WNT9B: variants seen among roughly 807,000 people sequenced by gnomAD.
The protein encoded by WNT9B is Wnt family member 9B.
Under a neutral mutation model 30.2 loss-of-function variants are expected in WNT9B, and 12 were observed. The ratio of observed to expected loss-of-function variants is 0.40; its 90% CI spans 0.26 to 0.64. The LOEUF is 0.64. Ranked by LOEUF, WNT9B falls within the 30% of genes least tolerant of loss-of-function variation. The probability of loss-of-function intolerance (pLI) is 0.42; values close to 1 mark genes in which losing one functional copy is unlikely to be tolerated. For synonymous variants in WNT9B, 218 were observed against 216.9 expected (o/e 1.01, Z -0.05); for missense variants, 442 against 485.2 (o/e 0.91, Z 0.84).
Position 46,858,465 on chromosome 17 carries a change from TTTTTATTTTA to T in WNT9B, c.77+6775_77+6784del, listed in dbSNP as rs149880516. Among the ~76,000 whole-genome samples the T allele has an allele frequency of 1.5e-3, 220 of 151,292 alleles. 1 individual carries two copies. Among genetic ancestry groups the T allele is most frequent in the African/African-American group, 2.7e-3 (111 of 41,236 alleles). ...AAAGATTTCTTCCTACGTTTTCTCCTTTTTATTTTATTTTATTTTATTTTATTTTATTTTT... is the reference window on the plus strand; with the variant it reads ...AAAGATTTCTTCCTACGTTTTCTCCTTTTTATTTTATTTTATTTTATTTTT... On this transcript the variant is annotated intron_variant, in intron 1 of 3. Transcript: ENST00000290015.
chr17:46,846,770 A>T (rs731120), upstream of WNT9B, among the ~76,000 whole-genome samples: 29,837 of 152,180 alleles, frequency 0.2, 3,596 homozygotes, highest in East Asian at 0.49. Context: ...CAATTCAAAG[A>T]GTTCTGTGAG....
At chr17:46,859,383 T>G (rs1458016217) in intron 1 of WNT9B, among the ~76,000 whole-genome samples, 1 of 152,214 alleles carries the variant, frequency 6.6e-6, no homozygotes, top group East Asian at 1.9e-4. Context: ...TCCACGTGTT[T>G]CAGTGCCATT....
rs1400536429 is a variant in WNT9B at position 46,872,688 on chromosome 17, C to T, written c.249C>T (p.His83=). ...CTGAGACCCTGAGGGATGCTGCGCA[C>T]CTCGGCCTGCTTGAGTGCCAGTTTC... ...GLAETLRDAA[H]LGLLECQFQF... Residue 83 remains histidine (H), a synonymous_variant, in exon 2 of 4, where the codon CAC becomes CAT. Transcript: ENST00000290015. 2 of 1,613,620 alleles carry T rather than the reference C, an allele frequency of 1.2e-6. No homozygotes were observed. Among genetic ancestry groups the T allele is most frequent in the Admixed American group, 1.7e-5 (1 of 60,024 alleles).
Position 46,872,793 on chromosome 17 carries a change from GACGGGGA to G in WNT9B, c.334+21_334+27del. 1 of 1,360,784 alleles carries G rather than the reference GACGGGGA, an allele frequency of 7.3e-7. No homozygotes were observed. Among genetic ancestry groups the G allele is most frequent in the South Asian group, 1.2e-5 (1 of 82,942 alleles). The allele number at this position is 1,360,784 out of a possible 1,614,324, so 84.3% of individuals were successfully genotyped here. On this transcript the variant is annotated intron_variant, in intron 2 of 3. Transcript: ENST00000290015. ...AGAGAGGTGGGGAGGAGGGCTAGGGGACGGGGAGGGCTGGGGGAAGAAGCCTTCAGGG... is the reference window on the plus strand; with the variant it reads ...AGAGAGGTGGGGAGGAGGGCTAGGGGGGGCTGGGGGAAGAAGCCTTCAGGG...
intron 1 of WNT9B, among the ~76,000 whole-genome samples, chr17:46,839,961 T>TC (rs1256590688): frequency 8.6e-4 from 122 of 141,446 alleles, no homozygotes; most frequent in African/African-American, 3.0e-3. Flanking sequence ...TCTTTCTTTC[T>TC]TTCTTTCTTT....
intron 1 of WNT9B, among the ~76,000 whole-genome samples, chr17:46,843,854 C>T (rs996655907): frequency 6.6e-6 from 1 of 152,234 alleles, no homozygotes; most frequent in South Asian, 2.1e-4. Context: ...GTGTGCTCCT[C>T]AAGGACAAGA....
intron 2 of WNT9B, among the ~76,000 whole-genome samples, chr17:46,873,335 T>C (rs1054935595): frequency 1.4e-5 from 2 of 144,110 alleles, no homozygotes; most frequent in South Asian, 2.5e-4. Context: ...TGGAGGCCCA[T>C]AGTGAGCCAG....
chr17:46,841,187 G>A (rs751889016), intron 1 of WNT9B, among the ~76,000 whole-genome samples: 9 of 152,156 alleles, frequency 5.9e-5, no homozygotes, highest in Admixed American at 1.3e-4. Context: ...AACATGACAC[G>A]CATGATTTCA....
At chr17:46,843,749 C>A (rs1042998410) in intron 1 of WNT9B, among the ~76,000 whole-genome samples, 5 of 152,120 alleles carry the variant, frequency 3.3e-5, no homozygotes, top group African/African-American at 9.7e-5. Flanking sequence ...TAGAACAATA[C>A]CTGGTGTAAT....
At chr17:46,850,872 C>G (rs1370394125), upstream of WNT9B, among the ~76,000 whole-genome samples, 2 of 152,108 alleles carry the variant, frequency 1.3e-5, no homozygotes, top group Admixed American at 1.3e-4. Context: ...CCACTGTCCA[C>G]TTTGGATTTC....
At chr17:46,842,662 C>T (rs2084729968) in intron 1 of WNT9B, among the ~76,000 whole-genome samples, 1 of 152,174 alleles carries the variant, frequency 6.6e-6, no homozygotes, top group Admixed American at 6.5e-5. Flanking sequence ...CATGAGCCAC[C>T]GTACCCTGCT....
At chr17:46,881,064 G>C (rs2085416219), downstream of WNT9B, among the ~76,000 whole-genome samples, 1 of 152,358 alleles carries the variant, frequency 6.6e-6, no homozygotes, top group Non-Finnish European at 1.5e-5. Context: ...TTCCCAACAT[G>C]CTTTGGGAGG....
At chr17:46,842,915 T>C (rs549625117) in intron 1 of WNT9B, among the ~76,000 whole-genome samples, 1 of 152,320 alleles carries the variant, frequency 6.6e-6, no homozygotes, top group African/African-American at 2.4e-5. Context: ...CAGGGAGTGT[T>C]GTATCCATTT....
intron 1 of WNT9B, among the ~76,000 whole-genome samples, chr17:46,838,451 A>AC (rs1568112887): frequency 1.3e-5 from 2 of 151,692 alleles, no homozygotes; most frequent in Non-Finnish European, 2.9e-5. Flanking sequence ...ACATACTGAG[A>AC]CCCCATTTCT....
rs962915958 is a variant in WNT9B at position 46,854,412 on chromosome 17, G to C, written c.77+2697G>C. The stretch of plus-strand genomic sequence containing the variant: ...AAACATCAGGAGGGCAGGTGAGGCC[G>C]ATCTTCTTGGGCTCTTTGAAATCAT... On this transcript the variant is annotated intron_variant, in intron 1 of 3. Coordinates refer to ENST00000290015, the MANE Select transcript of WNT9B (RefSeq NM_003396.3). Among the ~76,000 whole-genome samples, 4 of 151,964 alleles carry C rather than the reference G, an allele frequency of 2.6e-5. No homozygotes were observed. In the East Asian group the frequency reaches 7.7e-4, roughly 29 times the overall value.
chr17:46,855,890 T>C (rs2084929921), intron 1 of WNT9B, among the ~76,000 whole-genome samples: 1 of 151,924 alleles, frequency 6.6e-6, no homozygotes, highest in African/African-American at 2.4e-5. Context: ...GTAGAGACCA[T>C]GTTGATCAGG....
chr17:46,858,316 A>G (rs1002399499), intron 1 of WNT9B, among the ~76,000 whole-genome samples: 3 of 151,998 alleles, frequency 2.0e-5, no homozygotes, highest in Non-Finnish European at 2.9e-5. Flanking sequence ...TCATTTTCTT[A>G]TTGATGTCTT....
intron 1 of WNT9B, among the ~76,000 whole-genome samples, chr17:46,854,412 G>A (rs962915958): frequency 2.0e-5 from 3 of 151,964 alleles, no homozygotes; most frequent in East Asian, 1.9e-4. Context: ...AGGTGAGGCC[G>A]ATCTTCTTGG....
At chr17:46,865,816 T>C (rs1421960499) in intron 1 of WNT9B, among the ~76,000 whole-genome samples, 1 of 152,162 alleles carries the variant, frequency 6.6e-6, no homozygotes, top group East Asian at 1.9e-4. Flanking sequence ...TCACTTACGT[T>C]GCCCAGGCTG....
Sources: allele counts gnomAD v4.1 joint callset (sites outside exome capture counted in the v4.1 genomes callset), GRCh38; gene constraint gnomAD v4.1.1; transcripts MANE v1.5; gene names NCBI Gene and HGNC (gene_info 2026-07-23, HGNC 2026-07-21).